The following UTRN variants were observed in gnomAD, a reference collection of about 807,000 sequenced individuals.
The protein encoded by UTRN is dystrophin-related protein 1.
A neutral mutation model predicts 463.9 loss-of-function variants in UTRN; 283 were observed. The observed-to-expected ratio is 0.61, with a 90% CI of 0.55 to 0.67. The LOEUF is 0.67. UTRN is among the 30% of genes least tolerant of loss of function. UTRN has a pLI of 0.00. For synonymous variants in UTRN, 1,442 were observed against 1,431.5 expected (o/e 1.01, Z -0.17); for missense variants, 3,922 against 4,084.3 (o/e 0.96, Z 1.08).
At chr6:144,635,941 T>C (rs367799672) in intron 51 of UTRN, among the ~76,000 whole-genome samples, 2 of 152,170 alleles carry the variant, frequency 1.3e-5, no homozygotes, top group East Asian at 1.9e-4. Flanking sequence ...AGAAAATTAT[T>C]ATTTTTTTTA....
intron 74 of UTRN, 68 bp downstream of exon 74, chr6:144,846,895 A>G (rs1175743144): frequency 1.3e-6 from 2 of 1,584,634 alleles, no homozygotes; most frequent in South Asian, 1.1e-5. Flanking sequence ...ATTATCCACG[A>G]CTGATTTTAT....
chr6:144,381,597 C>T (rs1338034669), intron 2 of UTRN, among the ~76,000 whole-genome samples: 1 of 152,172 alleles, frequency 6.6e-6, no homozygotes, highest in Admixed American at 6.5e-5. Context: ...GTAATTGAAT[C>T]ATGGAGGCAA....
At position 144,539,274 on chromosome 6, in the gene UTRN, CT is replaced by C; in HGVS notation, c.6370-19del. On this transcript the variant is annotated intron_variant, in intron 44 of 74. Transcript: ENST00000367545. Reference sequence around the variant, plus strand: ...TTATCTGACTACCTTCTAACCACACCTATCTTTTAACTTCTCCAGGACTTAA... The same window carrying C: ...TTATCTGACTACCTTCTAACCACACCATCTTTTAACTTCTCCAGGACTTAA... 1 of 1,587,146 alleles carries C rather than the reference CT, an allele frequency of 6.3e-7. No individual in the cohort carries two copies. Among genetic ancestry groups the C allele is most frequent in the Non-Finnish European group, 8.6e-7 (1 of 1,166,526 alleles).
chr6:144,525,788 GCT>G (rs1796521192), intron 41 of UTRN, among the ~76,000 whole-genome samples: 1 of 151,042 alleles, frequency 6.6e-6, no homozygotes, highest in Non-Finnish European at 1.5e-5. Flanking sequence ...GTCTATTTGT[GCT>G]CTTTTAGACT....
intron 2 of UTRN, among the ~76,000 whole-genome samples, chr6:144,349,193 A>T (rs113405685): frequency 0.066 from 10,102 of 152,154 alleles, 1,064 homozygotes; most frequent in African/African-American, 0.23. Context: ...TATTTTTAGT[A>T]GAGACGGGGT....
At chr6:144,358,048 C>T (rs1325420533) in intron 2 of UTRN, among the ~76,000 whole-genome samples, 1 of 152,208 alleles carries the variant, frequency 6.6e-6, no homozygotes, top group African/African-American at 2.4e-5. Context: ...CCTGGGCAAA[C>T]TGCTTAACTT....
At chr6:144,321,852 G>T (rs1262952209) in intron 2 of UTRN, among the ~76,000 whole-genome samples, 1 of 148,664 alleles carries the variant, frequency 6.7e-6, no homozygotes, top group African/African-American at 2.5e-5. Flanking sequence ...TGCAACCTCC[G>T]CCTCGGGTTC....
chr6:144,800,167 G>GGAGA (rs1777583729), intron 64 of UTRN, among the ~76,000 whole-genome samples: 1 of 152,040 alleles, frequency 6.6e-6, no homozygotes, highest in African/African-American at 2.4e-5. Flanking sequence ...AGAGAGTGAA[G>GGAGA]GAGAGGATAA....
intron 26 of UTRN, among the ~76,000 whole-genome samples, chr6:144,481,800 C>T (rs907733788): frequency 6.6e-6 from 1 of 152,196 alleles, no homozygotes; most frequent in Non-Finnish European, 1.5e-5. Flanking sequence ...GCTCACGCCT[C>T]TAATCCCAGC....
intron 52 of UTRN, among the ~76,000 whole-genome samples, chr6:144,692,517 A>G (rs564212882): frequency 6.6e-6 from 1 of 152,316 alleles, no homozygotes; most frequent in Admixed American, 6.5e-5. Flanking sequence ...CAACAGTGTA[A>G]AAGTGTTCCT....
At chr6:144,333,981 T>G (rs1015010002) in intron 2 of UTRN, among the ~76,000 whole-genome samples, 5 of 152,196 alleles carry the variant, frequency 3.3e-5, no homozygotes, top group Non-Finnish European at 7.3e-5. Flanking sequence ...AAAAGTACAT[T>G]GATGATCGAT....
intron 54 of UTRN, among the ~76,000 whole-genome samples, chr6:144,747,015 T>G (rs1338102790): frequency 6.6e-6 from 1 of 152,198 alleles, no homozygotes; most frequent in East Asian, 1.9e-4. Context: ...GACTTGGCTT[T>G]TATATAATAT....
intron 52 of UTRN, among the ~76,000 whole-genome samples, chr6:144,685,256 C>T (rs1782628907): frequency 6.6e-6 from 1 of 152,196 alleles, no homozygotes; most frequent in East Asian, 1.9e-4. Flanking sequence ...ACACATACCA[C>T]ATGTTCCTTA....
intron 3 of UTRN, among the ~76,000 whole-genome samples, chr6:144,421,411 C>T (rs1027224046): frequency 1.3e-5 from 2 of 151,930 alleles, no homozygotes; most frequent in South Asian, 2.1e-4. Context: ...AAATTTGGGC[C>T]GGGTGCAGTG....
chr6:144,675,215 T>C (rs565147275), intron 51 of UTRN, among the ~76,000 whole-genome samples: 13 of 152,172 alleles, frequency 8.5e-5, no homozygotes, highest in African/African-American at 2.6e-4. Flanking sequence ...ACTGCAGTGA[T>C]GGTTGTGCTC....
chr6:144,331,072 A>G, intron 2 of UTRN: 3 of 965,418 alleles, frequency 3.1e-6, no homozygotes, highest in Non-Finnish European at 3.7e-6. Flanking sequence ...TGTTCATTGA[A>G]AGGAAGCCGA....
At chr6:144,371,672 C>A (rs185556980) in intron 2 of UTRN, among the ~76,000 whole-genome samples, 65 of 149,856 alleles carry the variant, frequency 4.3e-4, no homozygotes, top group African/African-American at 1.5e-3. Context: ...CCTCCCAAAG[C>A]GCTGGGATTA....
intron 6 of UTRN, among the ~76,000 whole-genome samples, chr6:144,425,505 A>G (rs1323426943): frequency 6.6e-6 from 1 of 152,174 alleles, no homozygotes; most frequent in Non-Finnish European, 1.5e-5. Context: ...ACCAGCTATT[A>G]TTATGATGCT....
At chr6:144,373,053 C>A (rs935412290) in intron 2 of UTRN, among the ~76,000 whole-genome samples, 2 of 152,130 alleles carry the variant, frequency 1.3e-5, no homozygotes, top group Admixed American at 6.5e-5. Flanking sequence ...AAATTAGAAC[C>A]TTATATTGCT....
Sources: allele counts gnomAD v4.1 joint callset (sites outside exome capture counted in the v4.1 genomes callset), GRCh38; gene constraint gnomAD v4.1.1; transcripts MANE v1.5; gene names NCBI Gene and HGNC (gene_info 2026-07-23, HGNC 2026-07-21).